NECAB1: variants seen among roughly 807,000 people sequenced by gnomAD.
The protein encoded by NECAB1 is N-terminal EF-hand calcium binding protein 1.
Under a neutral mutation model 57.5 loss-of-function variants are expected in NECAB1, and 29 were observed. The observed-to-expected ratio is 0.50, with a 90% CI of 0.38 to 0.69. The LOEUF (loss-of-function observed/expected upper bound fraction) is 0.69. Ranked by LOEUF, NECAB1 falls within the 30% of genes least tolerant of loss-of-function variation. NECAB1 has a pLI of 0.00. For synonymous variants in NECAB1, 142 were observed against 147.7 expected (o/e 0.96, Z 0.28); for missense variants, 372 against 413.8 (o/e 0.90, Z 0.88).
intron 3 of NECAB1, among the ~76,000 whole-genome samples, chr8:90,837,792 G>C (rs762954751): frequency 2.6e-5 from 4 of 152,182 alleles, no homozygotes; most frequent in Non-Finnish European, 5.9e-5. Flanking sequence ...CCAAGCTTGA[G>C]CTTGACAAAT....
At chr8:90,873,794 A>G (rs1223093790) in intron 4 of NECAB1, among the ~76,000 whole-genome samples, 1 of 152,162 alleles carries the variant, frequency 6.6e-6, no homozygotes, top group Non-Finnish European at 1.5e-5. Flanking sequence ...TTTTCCTTGA[A>G]AGTACTTCAA....
intron 2 of NECAB1, chr8:90,806,415 A>G (rs149820535): frequency 6.6e-6 from 1 of 152,362 alleles, no homozygotes; most frequent in African/African-American, 2.4e-5. Flanking sequence ...GAAATGCATA[A>G]CCAACAATTT....
chr8:90,916,165 T>C (rs898857076), intron 5 of NECAB1, among the ~76,000 whole-genome samples: 1 of 152,216 alleles, frequency 6.6e-6, no homozygotes, highest in African/African-American at 2.4e-5. Context: ...TCACCTGTAA[T>C]GAATGAGCTT....
intron 8 of NECAB1, among the ~76,000 whole-genome samples, chr8:90,931,646 G>A (rs1810407005): frequency 6.6e-6 from 1 of 152,188 alleles, no homozygotes; most frequent in African/African-American, 2.4e-5. Context: ...GCTCACGCCT[G>A]TAATCCCGGC....
chr8:90,950,407 T>TA (rs1810901614), intron 11 of NECAB1, among the ~76,000 whole-genome samples: 1 of 152,186 alleles, frequency 6.6e-6, no homozygotes, highest in Non-Finnish European at 1.5e-5. Context: ...TCAGCTTCTT[T>TA]AAAAATTAAA....
chr8:90,830,981 C>T (rs1812290978), intron 3 of NECAB1, among the ~76,000 whole-genome samples: 1 of 152,068 alleles, frequency 6.6e-6, no homozygotes, highest in Admixed American at 6.6e-5. Flanking sequence ...TTGTCTGGCT[C>T]ACATGTCTTA....
intron 12 of NECAB1, among the ~76,000 whole-genome samples, chr8:90,954,938 T>C (rs923853373): frequency 8.1e-5 from 12 of 147,730 alleles, no homozygotes; most frequent in Non-Finnish European, 1.5e-5. Flanking sequence ...GTATTATATG[T>C]ATACATACAT....
chr8:90,882,038 C>G (rs1808851030), intron 5 of NECAB1, among the ~76,000 whole-genome samples: 2 of 152,242 alleles, frequency 1.3e-5, no homozygotes, highest in Non-Finnish European at 2.9e-5. Context: ...AACTGGAGTG[C>G]TAGGGAGGGC....
intron 10 of NECAB1, among the ~76,000 whole-genome samples, chr8:90,945,867 T>A (rs1810795285): frequency 6.6e-6 from 1 of 152,142 alleles, no homozygotes; most frequent in South Asian, 2.1e-4. Context: ...CTTTAGCCAA[T>A]GAGTGTTAAG....
intron 3 of NECAB1, among the ~76,000 whole-genome samples, chr8:90,851,568 G>T (rs1812683995): frequency 6.6e-6 from 1 of 151,950 alleles, no homozygotes; most frequent in Non-Finnish European, 1.5e-5. Flanking sequence ...AGTATTTTGT[G>T]GGTATAGAAA....
intron 3 of NECAB1, among the ~76,000 whole-genome samples, chr8:90,869,382 C>G (rs1808579912): frequency 6.6e-6 from 1 of 152,206 alleles, no homozygotes; most frequent in African/African-American, 2.4e-5. Context: ...GGTAAATCCA[C>G]TGACGAGTTT....
At chr8:90,856,634 G>T (rs1471973447) in intron 3 of NECAB1, among the ~76,000 whole-genome samples, 1 of 152,166 alleles carries the variant, frequency 6.6e-6, no homozygotes, top group Non-Finnish European at 1.5e-5. Flanking sequence ...TATTTGGAAC[G>T]TGTTTTGGTC....
rs1440071727 is a variant in NECAB1 at position 90,906,874 on chromosome 8, CACAT to C, written c.358-10616_358-10613del. On this transcript the variant is annotated intron_variant, in intron 5 of 12. Coordinates refer to ENST00000417640, the MANE Select transcript of NECAB1 (RefSeq NM_022351.5). ...CCACCTTTTCCTTACATATGATATA[CACAT>C]ATATATATATATATATATATATATA... Among the ~76,000 whole-genome samples, 32 of 42,654 alleles carry C rather than the reference CACAT, an allele frequency of 7.5e-4. 3 individuals are homozygous for C. Among genetic ancestry groups the C allele is most frequent in the African/African-American group, 6.8e-3 (32 of 4,704 alleles). The allele number at this position is 42,654 out of a possible 152,430, so 28.0% of individuals were successfully genotyped here.
At chr8:90,875,844 C>CAAAAAAAAAAAAAAAAAAA (rs5893141) in intron 4 of NECAB1, among the ~76,000 whole-genome samples, 11 of 88,398 alleles carry the variant, frequency 1.2e-4, no homozygotes, top group African/African-American at 3.7e-4. Flanking sequence ...ACTAAAAATA[C>CAAAAAAAAAAAAAAAAAAA]AAAAAAAAAA....
Position 90,850,964 on chromosome 8 carries a change from A to T in NECAB1, c.234-21164A>T, listed in dbSNP as rs547435382. ...GAGGAACCAACCAAGTGATTAGAGGATCGGAACTTTCAGCCCAAACTCTCA... is the reference window on the plus strand; with the variant it reads ...GAGGAACCAACCAAGTGATTAGAGGTTCGGAACTTTCAGCCCAAACTCTCA... On this transcript the variant is annotated intron_variant, in intron 3 of 12. Transcript: ENST00000417640. 2.6e-5 allele frequency among the ~76,000 whole-genome samples: 4 copies of T among 152,276 alleles called. No individual in the cohort carries two copies. In the East Asian group the frequency reaches 7.8e-4, roughly 30 times the overall value.
chr8:90,850,857 G>A (rs970289444), intron 3 of NECAB1, among the ~76,000 whole-genome samples: 3 of 152,180 alleles, frequency 2.0e-5, no homozygotes, highest in Non-Finnish European at 4.4e-5. Context: ...AACATCTTTT[G>A]TTATTTATGG....
intron 3 of NECAB1, among the ~76,000 whole-genome samples, chr8:90,847,719 T>C (rs916915767): frequency 2.0e-5 from 3 of 152,250 alleles, no homozygotes; most frequent in African/African-American, 7.2e-5. Context: ...ACACCACATG[T>C]AAGCCACCAA....
chr8:90,954,864 C>T (rs1291116953), intron 12 of NECAB1, among the ~76,000 whole-genome samples: 2 of 146,998 alleles, frequency 1.4e-5, no homozygotes, highest in African/African-American at 5.0e-5. Context: ...TATATGTATA[C>T]ATATGCATAT....
At chr8:90,864,643 G>C (rs1808474942) in intron 3 of NECAB1, among the ~76,000 whole-genome samples, 1 of 151,652 alleles carries the variant, frequency 6.6e-6, no homozygotes, top group South Asian at 2.1e-4. Context: ...AAAGATTTGG[G>C]GTCATTATTA....
Sources: allele counts gnomAD v4.1 joint callset (sites outside exome capture counted in the v4.1 genomes callset), GRCh38; gene constraint gnomAD v4.1.1; transcripts MANE v1.5; gene names NCBI Gene and HGNC (gene_info 2026-07-23, HGNC 2026-07-21).